SCHIP1: variants seen among roughly 807,000 people sequenced by gnomAD.
The protein encoded by SCHIP1 is schwannomin interacting protein 1, also known as schwannomin-interacting protein 1.
Under a neutral mutation model 29.7 loss-of-function variants are expected in SCHIP1, and 8 were observed. The observed-to-expected ratio is 0.27, with a 90% CI of 0.16 to 0.49. SCHIP1 has a LOEUF of 0.49. Ranked by LOEUF, SCHIP1 falls within the 20% of genes least tolerant of loss-of-function variation. The pLI is 0.99. For synonymous variants in SCHIP1, 76 were observed against 94.9 expected, an observed-to-expected ratio of 0.80 and a Z score of 1.16; for missense variants, 193 against 294.6, an observed-to-expected ratio of 0.66 and a Z score of 2.52.
the SCHIP1 span, among the ~76,000 whole-genome samples, chr3:159,347,560 C>CT: frequency 9.9e-5 from 15 of 152,068 alleles, no homozygotes; most frequent in African/African-American, 3.4e-4. Flanking sequence ...ACTTCAGAAA[C>CT]TTTTTTTTAG....
At chr3:159,485,398 T>G in the SCHIP1 span, among the ~76,000 whole-genome samples, 4 of 152,084 alleles carry the variant, frequency 2.6e-5, no homozygotes, top group East Asian at 5.8e-4. Context: ...CAAATGTCGA[T>G]GGGGAAAAAA....
intron 1 of SCHIP1, among the ~76,000 whole-genome samples, chr3:159,842,398 T>C (rs1404866608): frequency 6.6e-6 from 1 of 152,180 alleles, no homozygotes; most frequent in Non-Finnish European, 1.5e-5. Context: ...GTCATCATAA[T>C]TACAGCAATA....
At chr3:159,320,522 C>G in the SCHIP1 span, among the ~76,000 whole-genome samples, 1 of 152,160 alleles carries the variant, frequency 6.6e-6, no homozygotes, top group African/African-American at 2.4e-5. Flanking sequence ...TGGTTCAGCT[C>G]TGACCATCAA....
chr3:159,514,469 A>G, the SCHIP1 span, among the ~76,000 whole-genome samples: 2 of 152,242 alleles, frequency 1.3e-5, no homozygotes, highest in African/African-American at 2.4e-5. Context: ...TTCGTCCTTC[A>G]TGAACACAGT....
At chr3:159,747,830 A>G in the SCHIP1 span, among the ~76,000 whole-genome samples, 1 of 152,242 alleles carries the variant, frequency 6.6e-6, no homozygotes, top group Non-Finnish European at 1.5e-5. Context: ...AACACATAAA[A>G]TAGTCAAATA....
chr3:159,721,804 C>A, the SCHIP1 span: 1 of 426,702 alleles, frequency 2.3e-6, no homozygotes, highest in Admixed American at 2.8e-5. Flanking sequence ...GCTTTGGCAT[C>A]CTCCATGGAA....
chr3:159,660,579 CACAT>C, the SCHIP1 span, among the ~76,000 whole-genome samples: 23 of 152,084 alleles, frequency 1.5e-4, no homozygotes, highest in South Asian at 4.8e-3. Context: ...AACATATGCA[CACAT>C]ACAATGAATA....
intron 1 of SCHIP1, among the ~76,000 whole-genome samples, chr3:159,857,235 C>T (rs1174307856): frequency 1.3e-5 from 2 of 152,204 alleles, no homozygotes; most frequent in African/African-American, 4.8e-5. Flanking sequence ...TTTCAGGTAA[C>T]TAGAATTTCC....
chr3:159,379,448 C>T, the SCHIP1 span, among the ~76,000 whole-genome samples: 1 of 152,194 alleles, frequency 6.6e-6, no homozygotes, highest in Non-Finnish European at 1.5e-5. Context: ...GTCTCAAACT[C>T]CTGACCTCAG....
At chr3:159,373,298 A>G in the SCHIP1 span, among the ~76,000 whole-genome samples, 1 of 151,518 alleles carries the variant, frequency 6.6e-6, no homozygotes, top group Admixed American at 6.6e-5. Flanking sequence ...AGTTAATACC[A>G]ATTATACTAT....
the SCHIP1 span, among the ~76,000 whole-genome samples, chr3:159,652,124 C>T: frequency 6.6e-6 from 1 of 151,956 alleles, no homozygotes; most frequent in Non-Finnish European, 1.5e-5. Flanking sequence ...AAATTGCTAC[C>T]ATGTGCTTTT....
chr3:159,491,518 G>C, the SCHIP1 span, among the ~76,000 whole-genome samples: 1 of 152,216 alleles, frequency 6.6e-6, no homozygotes. Context: ...TAGCACAGCA[G>C]TCTGAGATCA....
chr3:159,550,485 T>C, the SCHIP1 span, among the ~76,000 whole-genome samples: 1 of 152,128 alleles, frequency 6.6e-6, no homozygotes. Flanking sequence ...CTAAGACTTT[T>C]TGCTTTAAAG....
chr3:159,666,004 A>C, the SCHIP1 span, among the ~76,000 whole-genome samples: 1 of 152,104 alleles, frequency 6.6e-6, no homozygotes, highest in African/African-American at 2.4e-5. Context: ...TATCGCCTAC[A>C]TTTCCTGGGA....
At chr3:159,552,735 G>T in the SCHIP1 span, among the ~76,000 whole-genome samples, 7,051 of 152,180 alleles carry the variant, frequency 0.046, 214 homozygotes, top group Middle Eastern at 0.11. Context: ...GCAGACACAG[G>T]TCTAGAAATA....
At chr3:159,570,805 T>C in the SCHIP1 span, among the ~76,000 whole-genome samples, 1 of 152,214 alleles carries the variant, frequency 6.6e-6, no homozygotes, top group Non-Finnish European at 1.5e-5. Context: ...TTTATTTGTA[T>C]CCTCTTTTAT....
the SCHIP1 span, among the ~76,000 whole-genome samples, chr3:159,713,248 GAAA>G: frequency 1.2e-4 from 16 of 138,020 alleles, no homozygotes; most frequent in African/African-American, 3.7e-4. Context: ...AAGAAAGAAA[GAAA>G]GAAAGAAAGA....
chr3:159,355,075 T>G, the SCHIP1 span, among the ~76,000 whole-genome samples: 4 of 152,134 alleles, frequency 2.6e-5, no homozygotes, highest in African/African-American at 9.7e-5. Flanking sequence ...TGTACTCAGC[T>G]TATAGGTAAA....
chr3:159,574,587 C>T, the SCHIP1 span, among the ~76,000 whole-genome samples: 1 of 152,266 alleles, frequency 6.6e-6, no homozygotes, highest in Non-Finnish European at 1.5e-5. Context: ...CTTGAGAAGA[C>T]AGTCTGTCCA....
Sources: gnomAD v4.1 joint callset for allele counts (sites outside exome capture counted in the v4.1 genomes callset) on GRCh38, gnomAD v4.1.1 for gene constraint, MANE v1.5 for transcripts, NCBI Gene and HGNC (gene_info 2026-07-23, HGNC 2026-07-21) for gene names.